The following COL21A1 variants were observed in gnomAD, a reference collection of about 807,000 sequenced individuals.
The protein encoded by COL21A1 is collagen alpha-1(XXI) chain.
COL21A1 carries 149 observed loss-of-function variants against 137.9 expected under a neutral mutation model. The observed-to-expected ratio is 1.08, with a 90% CI of 0.95 to 1.24. The LOEUF is 1.24. COL21A1 is among the 50% of genes most tolerant of loss of function. The pLI, the probability that COL21A1 is intolerant of heterozygous loss-of-function variation, is 0.00. For missense variants in COL21A1, 1,167 were observed against 1,158.4 expected, an observed-to-expected ratio of 1.01 and a Z score of -0.11; for synonymous variants, 456 against 391.5, an observed-to-expected ratio of 1.16 and a Z score of -1.95.
rs763165065 is a variant in COL21A1 at position 56,060,793 on chromosome 6, T to A, written c.2355A>T (p.Gly785=). The change falls in exon 27 of 30, where the codon GGA becomes GGT. Residue 785 remains glycine, a splice_region_variant and synonymous_variant. Transcript: ENST00000244728. Reference sequence around the variant, plus strand: ...GAATAAATTGTTCTGAAAACTCTCTTCCCTGCATCAAAGTGTTAGGGGTTA... The same window carrying A: ...GAATAAATTGTTCTGAAAACTCTCTACCCTGCATCAAAGTGTTAGGGGTTA... ...QGPPGLDGKP[G]REFSEQFIRQ... is the part of the protein sequence containing the mutation. 39 of 1,609,998 alleles carry A rather than the reference T, an allele frequency of 2.4e-5. No homozygotes were observed. The highest frequency in any genetic ancestry group is 1.7e-4 in the Middle Eastern group (1 of 6,004).
At chr6:56,374,457 T>C (rs536641429) in intron 1 of COL21A1, among the ~76,000 whole-genome samples, 1 of 152,238 alleles carries the variant, frequency 6.6e-6, no homozygotes, top group African/African-American at 2.4e-5. Flanking sequence ...GTGTGTAGGA[T>C]TTCTCAAACT....
At chr6:56,202,570 T>G (rs2840997) in intron 1 of COL21A1, among the ~76,000 whole-genome samples, 1 of 152,190 alleles carries the variant, frequency 6.6e-6, no homozygotes, top group East Asian at 1.9e-4. Context: ...CCACTGATAA[T>G]GCCTTCCTCA....
upstream of COL21A1, among the ~76,000 whole-genome samples, chr6:56,249,146 G>A (rs752302907): frequency 3.3e-5 from 5 of 152,140 alleles, no homozygotes; most frequent in Non-Finnish European, 7.4e-5. Context: ...TTAGCCATTG[G>A]GGAAATGAAA....
rs1341448190 is a variant in COL21A1, at chr6:56,169,995, T to C, written c.1026+654A>G. ...TATATATTTCCTAAACTGTGTAATA[T>C]GGCTTTAGACTATCATAATAATGAG... is the stretch of plus-strand genomic sequence containing the variant. On this transcript the variant is annotated intron_variant, in intron 5 of 29. Coordinates refer to ENST00000244728, the MANE Select transcript of COL21A1 (RefSeq NM_030820.4). 2.6e-5 allele frequency among the ~76,000 whole-genome samples: 4 copies of C among 151,944 alleles called. 1 individual carries two copies. The highest frequency in any genetic ancestry group is 9.7e-5 in the African/African-American group (4 of 41,436).
rs141958172 is a variant in COL21A1 at position 56,217,958 on chromosome 6, T to G, written c.-39+29429A>C. 1.1e-4 allele frequency among the ~76,000 whole-genome samples: 16 copies of G among 152,254 alleles called. No homozygotes were observed. In the East Asian group the frequency reaches 3.1e-3, roughly 29 times the overall value. On this transcript the variant is annotated intron_variant, in intron 1 of 29. Transcript: ENST00000244728. ...GTAAAAGGGGATGGCAAGCCAATTC[T>G]AATCTGTCTCACATGAGAATGACAT...
chr6:56,168,112 T>G lies in COL21A1; in HGVS notation c.1200+12A>C. On this transcript the variant is annotated intron_variant, in intron 6 of 29. Coordinates refer to ENST00000244728, the MANE Select transcript of COL21A1 (RefSeq NM_030820.4). Reference sequence around the variant, plus strand: ...TCTATATAATTCAAAGAGTAAATCATTATTTATCTACCTGAACAGTTTCTT... The same window carrying G: ...TCTATATAATTCAAAGAGTAAATCAGTATTTATCTACCTGAACAGTTTCTT... 4.1e-6 allele frequency: 6 copies of G among 1,465,952 alleles called. No homozygotes were observed. Among genetic ancestry groups the G allele is most frequent in the Non-Finnish European group, 5.5e-6 (6 of 1,096,110 alleles). 90.8% of individuals were successfully genotyped at this position (1,465,952 alleles called of 1,614,324 possible). A position where few individuals can be genotyped will look rare whatever the true frequency, so the allele number is the denominator to read the frequency against.
intron 23 of COL21A1, 63 bp from the exon 24 acceptor site, chr6:56,064,685 A>G: frequency 9.4e-7 from 1 of 1,064,186 alleles, no homozygotes; most frequent in East Asian, 2.7e-5. Flanking sequence ...CACATATGCA[A>G]TACAAACTAT....
At chr6:56,364,518 C>T (rs550371422) in intron 1 of COL21A1, among the ~76,000 whole-genome samples, 3 of 152,304 alleles carry the variant, frequency 2.0e-5, no homozygotes, top group East Asian at 3.9e-4. Context: ...ATAAATCCAA[C>T]TTATCTCCAT....
intron 1 of COL21A1, among the ~76,000 whole-genome samples, chr6:56,246,813 A>G (rs1162760372): frequency 1.3e-5 from 2 of 152,200 alleles, no homozygotes; most frequent in Non-Finnish European, 2.9e-5. Context: ...GCTGCTTTCT[A>G]TATTCGACTG....
At chr6:56,156,986 A>T (rs1561926807) in intron 9 of COL21A1, 37 bp from the exon 10 acceptor site, 1 of 1,467,396 alleles carries the variant, frequency 6.8e-7, no homozygotes, top group Non-Finnish European at 9.5e-7. Flanking sequence ...AGTACAAAAC[A>T]ACCAGCCACA....
At chr6:56,129,088 A>G (rs1208576217) in intron 12 of COL21A1, among the ~76,000 whole-genome samples, 6 of 152,182 alleles carry the variant, frequency 3.9e-5, no homozygotes, top group African/African-American at 1.4e-4. Context: ...GGCTACACAG[A>G]GTTGAGGAAG....
chr6:56,267,174 A>T (rs1267967489), intron 1 of COL21A1, among the ~76,000 whole-genome samples: 1 of 152,214 alleles, frequency 6.6e-6, no homozygotes, highest in Non-Finnish European at 1.5e-5. Flanking sequence ...TATGATAATA[A>T]TAATAGTCAA....
intron 1 of COL21A1, among the ~76,000 whole-genome samples, chr6:56,196,503 C>CTAAAAGAAGT (rs1234697557): frequency 3.9e-5 from 6 of 152,006 alleles, no homozygotes; most frequent in African/African-American, 1.2e-4. Flanking sequence ...AAAAGAAGTA[C>CTAAAAGAAGT]ATACAATAAA....
chr6:56,301,060 T>A (rs1764268043), intron 1 of COL21A1, among the ~76,000 whole-genome samples: 1 of 152,152 alleles, frequency 6.6e-6, no homozygotes, highest in South Asian at 2.1e-4. Context: ...TGGGAAATTA[T>A]AAGGCAAGGC....
intron 1 of COL21A1, among the ~76,000 whole-genome samples, chr6:56,234,897 G>T (rs1467785087): frequency 3.8e-5 from 5 of 131,928 alleles, no homozygotes; most frequent in Non-Finnish European, 8.1e-5. Flanking sequence ...ACTGATCACT[G>T]CCCCTCATCC....
At chr6:56,246,245 G>A (rs1782634962) in intron 1 of COL21A1, among the ~76,000 whole-genome samples, 1 of 152,168 alleles carries the variant, frequency 6.6e-6, no homozygotes. Context: ...GCTGTAACCT[G>A]CACTGATGAC....
upstream of COL21A1, among the ~76,000 whole-genome samples, chr6:56,249,501 T>C (rs1782799703): frequency 6.6e-6 from 1 of 152,172 alleles, no homozygotes; most frequent in Non-Finnish European, 1.5e-5. Context: ...AGAAAAGTGT[T>C]ATATCGCTAC....
intron 1 of COL21A1, among the ~76,000 whole-genome samples, chr6:56,291,670 T>C (rs1351325873): frequency 6.6e-6 from 1 of 152,254 alleles, no homozygotes. Flanking sequence ...AGACTCGGCA[T>C]TGTAGCAAGA....
chr6:56,122,463 C>T (rs1772638299), intron 16 of COL21A1, among the ~76,000 whole-genome samples: 2 of 152,208 alleles, frequency 1.3e-5, no homozygotes, highest in South Asian at 4.2e-4. Flanking sequence ...CAGGCGTCCA[C>T]CACCACACCC....
Sources: gnomAD v4.1 joint callset for allele counts (sites outside exome capture counted in the v4.1 genomes callset) on GRCh38, gnomAD v4.1.1 for gene constraint, MANE v1.5 for transcripts, NCBI Gene and HGNC (gene_info 2026-07-23, HGNC 2026-07-21) for gene names.